Variants in LRGUK observed in about 807,000 individuals in gnomAD.
LRGUK encodes leucine rich repeats and guanylate kinase domain containing.
A neutral mutation model predicts 76.0 loss-of-function variants in LRGUK; 65 were observed. The observed-to-expected ratio is 0.85, with a 90% CI of 0.70 to 1.05. The LOEUF (loss-of-function observed/expected upper bound fraction) is 1.05, where lower values mean the gene tolerates loss of function less well. Among genes scored for constraint, LRGUK ranks in the 50% least tolerant of loss-of-function variants. The probability of loss-of-function intolerance (pLI) is 0.00; values close to 1 mark genes in which losing one functional copy is unlikely to be tolerated. For missense variants in LRGUK, 758 were observed against 732.8 expected (o/e 1.03, Z -0.40); for synonymous variants, 268 against 265.6 (o/e 1.01, Z -0.09).
chr7:134,160,081 G>C (rs1798657501), intron 6 of LRGUK, among the ~76,000 whole-genome samples: 1 of 152,204 alleles, frequency 6.6e-6, no homozygotes, highest in African/African-American at 2.4e-5. Context: ...TGGTCTGTTA[G>C]AATCTTGTTC....
At chr7:134,207,980 C>T (rs1801077318) in intron 15 of LRGUK, among the ~76,000 whole-genome samples, 1 of 152,172 alleles carries the variant, frequency 6.6e-6, no homozygotes, top group African/African-American at 2.4e-5. Flanking sequence ...ACCAAGTTGA[C>T]ACCTCTGTGT....
At chr7:134,269,440 C>T (rs559854512), downstream of LRGUK, among the ~76,000 whole-genome samples, 6 of 149,838 alleles carry the variant, frequency 4.0e-5, no homozygotes, top group East Asian at 1.2e-3. Flanking sequence ...ACAGCCTTGA[C>T]CTCCTAAGCT....
intron 10 of LRGUK, among the ~76,000 whole-genome samples, chr7:134,181,323 A>G (rs1347649644): frequency 2.0e-5 from 3 of 151,610 alleles, no homozygotes; most frequent in Non-Finnish European, 4.4e-5. Context: ...TAAAAATGTT[A>G]CTCCATTGTC....
the LRGUK span, among the ~76,000 whole-genome samples, chr7:134,271,392 T>G: frequency 6.6e-6 from 1 of 151,884 alleles, no homozygotes; most frequent in Non-Finnish European, 1.5e-5. Context: ...GTAATAAACA[T>G]AATCTCAGAT....
chr7:134,223,000 A>C (rs1480838303), intron 16 of LRGUK, among the ~76,000 whole-genome samples: 1 of 152,200 alleles, frequency 6.6e-6, no homozygotes, highest in Non-Finnish European at 1.5e-5. Flanking sequence ...TCAGGCAAAA[A>C]GTCTTAGGCT....
intron 4 of LRGUK, 83 bp from the exon 5 acceptor site, chr7:134,148,155 C>A: frequency 1.2e-6 from 1 of 834,806 alleles, no homozygotes; most frequent in Non-Finnish European, 2.0e-6. Context: ...TTCAAAAATA[C>A]CTTCTTCTTG....
chr7:134,272,695 T>C, the LRGUK span, among the ~76,000 whole-genome samples: 2 of 152,180 alleles, frequency 1.3e-5, no homozygotes, highest in Admixed American at 6.5e-5. Flanking sequence ...GCAAAAAGTA[T>C]AAGAAATGAA....
chr7:134,144,754 C>G (rs1470758708), intron 4 of LRGUK, among the ~76,000 whole-genome samples: 3 of 151,988 alleles, frequency 2.0e-5, no homozygotes, highest in African/African-American at 7.3e-5. Context: ...TATATCATTC[C>G]CTTATCAATA....
intron 16 of LRGUK, among the ~76,000 whole-genome samples, chr7:134,245,443 A>C (rs562929474): frequency 3.0e-4 from 45 of 152,186 alleles, no homozygotes; most frequent in Non-Finnish European, 5.7e-4. Flanking sequence ...TGTGGCTATC[A>C]TCTGACTTCC....
chr7:134,262,799 C>T (rs1802763383), intron 19 of LRGUK, among the ~76,000 whole-genome samples: 1 of 151,974 alleles, frequency 6.6e-6, no homozygotes, highest in South Asian at 2.1e-4. Flanking sequence ...GAAACCCCAC[C>T]TCTACCAAAA....
intron 18 of LRGUK, among the ~76,000 whole-genome samples, chr7:134,253,312 A>C (rs1229621563): frequency 6.6e-6 from 1 of 152,224 alleles, no homozygotes; most frequent in African/African-American, 2.4e-5. Context: ...GTAATGACAA[A>C]GTTGAGGAGG....
At chr7:134,131,783 A>G (rs1459624756) in intron 1 of LRGUK, among the ~76,000 whole-genome samples, 1 of 152,166 alleles carries the variant, frequency 6.6e-6, no homozygotes, top group East Asian at 1.9e-4. Context: ...AGATGGAGCT[A>G]TGCGTTAAGG....
At chr7:134,244,742 A>T (rs540065006) in intron 16 of LRGUK, among the ~76,000 whole-genome samples, 1 of 152,292 alleles carries the variant, frequency 6.6e-6, no homozygotes, top group East Asian at 1.9e-4. Flanking sequence ...TGCTATAAAG[A>T]CACATGCACA....
At chr7:134,214,521 G>C (rs1585567063), downstream of LRGUK, among the ~76,000 whole-genome samples, 1 of 152,068 alleles carries the variant, frequency 6.6e-6, no homozygotes, top group East Asian at 1.9e-4. Flanking sequence ...AATAAGTTAT[G>C]GTATAGCTAT....
the LRGUK span, among the ~76,000 whole-genome samples, chr7:134,270,445 A>G: frequency 6.6e-6 from 1 of 152,124 alleles, no homozygotes; most frequent in African/African-American, 2.4e-5. Flanking sequence ...ACAAAACATT[A>G]CTAATATATT....
intron 7 of LRGUK, among the ~76,000 whole-genome samples, chr7:134,164,662 C>A (rs1320236148): frequency 6.6e-6 from 1 of 152,108 alleles, no homozygotes; most frequent in Non-Finnish European, 1.5e-5. Context: ...CTGAAAGGGA[C>A]AGTTGGTGCC....
At chr7:134,243,775 G>A (rs565800953) in intron 16 of LRGUK, among the ~76,000 whole-genome samples, 126 of 152,228 alleles carry the variant, frequency 8.3e-4, no homozygotes, top group Non-Finnish European at 1.4e-3. Flanking sequence ...CAAAGCTGGA[G>A]GCATCACACT....
intron 11 of LRGUK, among the ~76,000 whole-genome samples, chr7:134,186,417 A>T (rs1319633395): frequency 6.6e-6 from 1 of 152,238 alleles, no homozygotes; most frequent in Non-Finnish European, 1.5e-5. Flanking sequence ...GGCAGGGCGC[A>T]TGTCAGCCTT....
chr7:134,261,235 C>CT (rs1458945927), intron 19 of LRGUK, among the ~76,000 whole-genome samples: 1 of 151,916 alleles, frequency 6.6e-6, no homozygotes, highest in Admixed American at 6.6e-5. Flanking sequence ...ACTCTCATGT[C>CT]TTTTTTTACA....
Sources: allele counts gnomAD v4.1 joint callset (sites outside exome capture counted in the v4.1 genomes callset), GRCh38; gene constraint gnomAD v4.1.1; transcripts MANE v1.5; gene names NCBI Gene and HGNC (gene_info 2026-07-23, HGNC 2026-07-21).